The following ERAP1 variants were observed in gnomAD, a reference collection of about 807,000 sequenced individuals.
ERAP1 encodes the protein adipocyte-derived leucine aminopeptidase.
A neutral mutation model predicts 103.7 loss-of-function variants in ERAP1; 86 were observed. That is an observed-to-expected ratio of 0.83 (90% CI 0.70 to 0.99). The LOEUF is 0.99. ERAP1 is among the 50% of genes least tolerant of loss of function. The probability of loss-of-function intolerance (pLI) is 0.00; values close to 1 mark genes in which losing one functional copy is unlikely to be tolerated. For missense variants in ERAP1, 1,009 were observed against 1,128.4 expected (o/e 0.89, Z 1.52); for synonymous variants, 398 against 402.4 (o/e 0.99, Z 0.13).
At chr5:96,895,227 T>C in the ERAP1 span, 1 of 1,397,220 alleles carries the variant, frequency 7.2e-7, no homozygotes. Flanking sequence ...TCTAATAATA[T>C]TGAGTTTTTA....
intron 10 of ERAP1, among the ~76,000 whole-genome samples, chr5:96,789,473 T>A: frequency 6.9e-6 from 1 of 144,322 alleles, no homozygotes. Context: ...GGCAACAGAG[T>A]GAGACTCTGT....
At chr5:96,814,222 G>T in the ERAP1 span, 1 of 455,934 alleles carries the variant, frequency 2.2e-6, no homozygotes, top group South Asian at 1.6e-5. Context: ...TCAGTGTTTT[G>T]CTGACTGTTT....
At chr5:96,927,581 G>A in the ERAP1 span, among the ~76,000 whole-genome samples, 1 of 152,116 alleles carries the variant, frequency 6.6e-6, no homozygotes, top group Non-Finnish European at 1.5e-5. Context: ...CCGCCTCCCG[G>A]GTTCACGCCA....
At chr5:96,887,495 T>C in the ERAP1 span, among the ~76,000 whole-genome samples, 8 of 152,260 alleles carry the variant, frequency 5.3e-5, no homozygotes, top group East Asian at 1.5e-3. Flanking sequence ...AGATGGGGTT[T>C]CACCATGTTG....
intron 11 of ERAP1, among the ~76,000 whole-genome samples, chr5:96,787,804 G>A (rs1213845425): frequency 1.9e-5 from 2 of 103,924 alleles, no homozygotes; most frequent in Non-Finnish European, 4.2e-5. Context: ...ATATGTGTGT[G>A]TATATATATA....
At chr5:96,914,148 T>TCTCTCTCACACACACACACA in the ERAP1 span, among the ~76,000 whole-genome samples, 1 of 147,982 alleles carries the variant, frequency 6.8e-6, no homozygotes, top group African/African-American at 2.5e-5. Flanking sequence ...TCTCTCTCTC[T>TCTCTCTCACACACACACACA]CACACACACA....
the ERAP1 span, among the ~76,000 whole-genome samples, chr5:96,874,205 A>C: frequency 1.3e-5 from 2 of 152,086 alleles, no homozygotes; most frequent in Non-Finnish European, 2.9e-5. Flanking sequence ...AAGAAAGAAA[A>C]GAAAAGTTAG....
chr5:96,769,221 G>A (rs1771223558), intron 19 of ERAP1: 1 of 152,100 alleles, frequency 6.6e-6, no homozygotes, highest in South Asian at 2.1e-4. Flanking sequence ...CTTCCATACT[G>A]GGTAGCTTAA....
Position 96,774,509 on chromosome 5 carries a change from T to TATCA in ERAP1, c.*1883_*1886dup, listed in dbSNP as rs1344443746. On this transcript the variant is annotated 3_prime_UTR_variant, in exon 19 of 19. Coordinates refer to ENST00000443439, the MANE Select transcript of ERAP1 (RefSeq NM_001040458.3). ...TTAGAGGCAAAGAACAATTTTTTAT[T>TATCA]ATCAAAAAGGTTTCTGCACATTGTT... The TATCA allele has an allele frequency of 1.0e-6, 1 of 986,532 alleles. No individual in the cohort carries two copies. The highest frequency in any genetic ancestry group is 1.2e-6 in the Non-Finnish European group (1 of 829,796). 61.1% of individuals were successfully genotyped at this position (986,532 alleles called of 1,614,324 possible). A position where few individuals can be genotyped will look rare whatever the true frequency, so the allele number is the denominator to read the frequency against.
chr5:96,808,577 G>C (rs1285021803), upstream of ERAP1, among the ~76,000 whole-genome samples: 2 of 152,136 alleles, frequency 1.3e-5, no homozygotes, highest in Non-Finnish European at 2.9e-5. Context: ...AGAGGAGGAA[G>C]GTGGGTTAGA....
At chr5:96,823,392 C>T in the ERAP1 span, among the ~76,000 whole-genome samples, 1 of 152,126 alleles carries the variant, frequency 6.6e-6, no homozygotes, top group Non-Finnish European at 1.5e-5. Context: ...TCACCATTTC[C>T]ACCGCCATCC....
the ERAP1 span, among the ~76,000 whole-genome samples, chr5:96,927,623 A>G: frequency 6.6e-6 from 1 of 151,948 alleles, no homozygotes; most frequent in Non-Finnish European, 1.5e-5. Context: ...AGTAGCTGGG[A>G]CTACAGGCGC....
At chr5:96,915,448 ATAAC>A in the ERAP1 span, among the ~76,000 whole-genome samples, 4 of 151,154 alleles carry the variant, frequency 2.6e-5, no homozygotes, top group African/African-American at 7.3e-5. Context: ...ACATTGCTGA[ATAAC>A]TAACCATATT....
the ERAP1 span, among the ~76,000 whole-genome samples, chr5:96,882,676 G>A: frequency 3.3e-5 from 5 of 152,126 alleles, no homozygotes; most frequent in Non-Finnish European, 7.4e-5. Flanking sequence ...TTTCATGTGA[G>A]TGAAAATTAT....
chr5:96,785,697 C>T, intron 13 of ERAP1, 91 bp downstream of exon 13: 2 of 1,381,642 alleles, frequency 1.4e-6, no homozygotes, highest in Non-Finnish European at 2.0e-6. Flanking sequence ...TTCTTGTTAT[C>T]AATCAATCAT....
chr5:96,909,210 T>TA, the ERAP1 span: 6 of 1,272,910 alleles, frequency 4.7e-6, no homozygotes, highest in Admixed American at 1.9e-5. Context: ...TCCTTGAGGT[T>TA]AAATCTGGAG....
the ERAP1 span, among the ~76,000 whole-genome samples, chr5:96,916,885 T>C: frequency 0.42 from 63,298 of 151,790 alleles, 13,267 homozygotes; most frequent in East Asian, 0.44. Context: ...CACCATTTAC[T>C]CTATGACTTG....
chr5:96,821,456 T>C, the ERAP1 span, among the ~76,000 whole-genome samples: 1 of 152,192 alleles, frequency 6.6e-6, no homozygotes, highest in African/African-American at 2.4e-5. Context: ...TTTGGTTTCC[T>C]TCCTGTGGGC....
Position 96,781,175 on chromosome 5 carries a change from C to G in ERAP1, c.2471G>C (p.Gly824Ala), listed in dbSNP as rs774553873. Residue 824 changes from glycine to alanine, a missense_variant, in exon 17 of 19, where the codon GGA (glycine) becomes GCA (alanine). Gly to Ala is a moderately conservative substitution (Grantham distance 60). This residue lies in a region of ERAP1 where 611 missense variants were observed against 651.7 expected (regional missense o/e 0.94). Transcript: ENST00000443439. ...AAACTCCTGAGTTTTTATTTTATCT[C>G]CCTTAAAGCTTTCATCTAGTAGCCT... ...LQWLLDESFK[G>A]DKIKTQEFPQ... is the part of the protein sequence containing the mutation. 1.5e-5 allele frequency: 24 copies of G among 1,612,472 alleles called. No homozygotes were observed. Among genetic ancestry groups the G allele is most frequent in the Non-Finnish European group, 2.0e-5 (24 of 1,179,630 alleles).
Sources: allele counts gnomAD v4.1 joint callset (sites outside exome capture counted in the v4.1 genomes callset), GRCh38; gene constraint gnomAD v4.1.1; regional missense constraint gnomAD v4.1.1; transcripts MANE v1.5; gene names NCBI Gene and HGNC (gene_info 2026-07-23, HGNC 2026-07-21).